AUH: variants seen among roughly 807,000 people sequenced by gnomAD.
AUH encodes the protein methylglutaconyl-CoA hydratase, mitochondrial.
A neutral mutation model predicts 42.3 loss-of-function variants in AUH; 29 were observed. The ratio of observed to expected loss-of-function variants is 0.69; its 90% CI spans 0.51 to 0.93. AUH has a LOEUF of 0.93. Ranked by LOEUF, AUH falls within the 40% of genes least tolerant of loss-of-function variation. AUH has a pLI of 0.00. For missense variants in AUH, 452 were observed against 438.1 expected, an observed-to-expected ratio of 1.03 and a Z score of -0.28; for synonymous variants, 174 against 166.4, an observed-to-expected ratio of 1.05 and a Z score of -0.35.
At chr9:91,245,834 G>C (rs1828762602) in intron 6 of AUH, among the ~76,000 whole-genome samples, 2 of 152,090 alleles carry the variant, frequency 1.3e-5, no homozygotes, top group Middle Eastern at 3.2e-3. Context: ...CTGTGTTCTA[G>C]AGGGAGTGCA....
intron 6 of AUH, among the ~76,000 whole-genome samples, chr9:91,242,673 CCATTT>C (rs756991406): frequency 1.3e-5 from 2 of 152,270 alleles, no homozygotes; most frequent in African/African-American, 2.4e-5. Flanking sequence ...AGTGAACACT[CCATTT>C]CATAAAAACT....
chr9:91,234,989 A>C (rs1304058528), intron 6 of AUH, among the ~76,000 whole-genome samples: 1 of 151,772 alleles, frequency 6.6e-6, no homozygotes, highest in Non-Finnish European at 1.5e-5. Flanking sequence ...AAAGATGTAA[A>C]GATGAGGCAG....
chr9:91,265,461 G>C (rs541988906), intron 6 of AUH, among the ~76,000 whole-genome samples: 1 of 151,870 alleles, frequency 6.6e-6, no homozygotes, highest in Admixed American at 6.6e-5. Context: ...CTTTCACACT[G>C]TCAATTCTCC....
intron 6 of AUH, among the ~76,000 whole-genome samples, chr9:91,230,909 G>A (rs997136802): frequency 1.1e-4 from 17 of 152,298 alleles, no homozygotes; most frequent in Admixed American, 6.5e-4. Flanking sequence ...CAGTCTGCCC[G>A]TTCTCCGATC....
intron 3 of AUH, among the ~76,000 whole-genome samples, chr9:91,354,163 C>T (rs561877558): frequency 7.3e-5 from 11 of 149,750 alleles, no homozygotes; most frequent in East Asian, 6.0e-4. Flanking sequence ...CGTGAAAGTC[C>T]GTCTCAAAAA....
At chr9:91,266,084 C>T (rs1218612614) in intron 6 of AUH, among the ~76,000 whole-genome samples, 3 of 152,108 alleles carry the variant, frequency 2.0e-5, no homozygotes, top group Non-Finnish European at 2.9e-5. Context: ...AAGTTACGGC[C>T]GGGCACGGTG....
At chr9:91,241,468 G>A (rs1259511497) in intron 6 of AUH, among the ~76,000 whole-genome samples, 2 of 151,928 alleles carry the variant, frequency 1.3e-5, no homozygotes, top group Non-Finnish European at 2.9e-5. Flanking sequence ...AAGGATTATG[G>A]CTAGGCTGGA....
intron 5 of AUH, among the ~76,000 whole-genome samples, chr9:91,296,425 T>C (rs1827338512): frequency 6.6e-6 from 1 of 152,210 alleles, no homozygotes; most frequent in Non-Finnish European, 1.5e-5. Flanking sequence ...TGTCAGTATC[T>C]GACAAGCCCA....
At chr9:91,237,334 G>C (rs2131321191) in intron 6 of AUH, among the ~76,000 whole-genome samples, 1 of 152,282 alleles carries the variant, frequency 6.6e-6, no homozygotes, top group African/African-American at 2.4e-5. Context: ...ACACTCAAAT[G>C]AATTTCTTTC....
In AUH at chr9:91,268,499, C is replaced by A. The variant is rs10991860; in HGVS notation, c.655+27522G>T. Among the ~76,000 whole-genome samples the A allele has an allele frequency of 7.2e-3, 1,088 of 152,128 alleles. 13 individuals are homozygous for A. The highest frequency in any genetic ancestry group is 0.044 in the East Asian group (226 of 5,174). On this transcript the variant is annotated intron_variant, in intron 6 of 9. Transcript: ENST00000375731. ...AGGCTGAAGTGCAGTGGCGCCATCT[C>A]GGCTCACTGCAACCTCGGCCTTCCA...
At chr9:91,244,414 T>C (rs909716913) in intron 6 of AUH, among the ~76,000 whole-genome samples, 3 of 152,242 alleles carry the variant, frequency 2.0e-5, no homozygotes, top group Non-Finnish European at 2.9e-5. Context: ...ATAAACTTAA[T>C]GTAGTCAGTT....
chr9:91,337,224 T>C (rs1432756271), intron 3 of AUH, among the ~76,000 whole-genome samples: 1 of 152,222 alleles, frequency 6.6e-6, no homozygotes, highest in Non-Finnish European at 1.5e-5. Context: ...ATTAAATACA[T>C]GAATTAATTA....
chr9:91,254,650 C>T (rs1161193967), intron 6 of AUH, among the ~76,000 whole-genome samples: 1 of 152,106 alleles, frequency 6.6e-6, no homozygotes. Context: ...TCTAAAATAG[C>T]AAGCTGTCCA....
intron 3 of AUH, among the ~76,000 whole-genome samples, chr9:91,340,094 A>G (rs944339571): frequency 1.3e-5 from 2 of 152,224 alleles, no homozygotes; most frequent in Admixed American, 1.3e-4. Context: ...CCAGGGAGCT[A>G]TGAAATGAAC....
intron 5 of AUH, among the ~76,000 whole-genome samples, chr9:91,296,541 T>C (rs1304400157): frequency 1.3e-5 from 2 of 152,196 alleles, no homozygotes; most frequent in East Asian, 1.9e-4. Context: ...TTCTGACAAA[T>C]AGTTTTACTA....
intron 6 of AUH, among the ~76,000 whole-genome samples, chr9:91,244,579 A>G (rs544447127): frequency 6.6e-6 from 1 of 152,286 alleles, no homozygotes; most frequent in South Asian, 2.1e-4. Flanking sequence ...TCCCATCCAC[A>G]TCTCCCAACT....
intron 6 of AUH, among the ~76,000 whole-genome samples, chr9:91,233,153 C>A (rs914521319): frequency 6.6e-6 from 1 of 152,098 alleles, no homozygotes; most frequent in Admixed American, 6.6e-5. Context: ...GAAATACACA[C>A]AGAGAGTAAG....
At chr9:91,280,415 C>A (rs1394871096) in intron 6 of AUH, among the ~76,000 whole-genome samples, 1 of 151,986 alleles carries the variant, frequency 6.6e-6, no homozygotes, top group African/African-American at 2.4e-5. Context: ...AAATGAATAA[C>A]CTGTTTTTTC....
At chr9:91,249,970 C>T (rs1405242342) in intron 6 of AUH, among the ~76,000 whole-genome samples, 2 of 151,528 alleles carry the variant, frequency 1.3e-5, no homozygotes, top group African/African-American at 2.4e-5. Context: ...TGAGATAGTG[C>T]CCCTGCACTC....
Sources: gnomAD v4.1 joint callset for allele counts (sites outside exome capture counted in the v4.1 genomes callset) on GRCh38, gnomAD v4.1.1 for gene constraint, MANE v1.5 for transcripts, NCBI Gene and HGNC (gene_info 2026-07-23, HGNC 2026-07-21) for gene names.